CTNNA2: variants seen among roughly 807,000 people sequenced by gnomAD.
The protein encoded by CTNNA2 is catenin alpha 2.
Under a neutral mutation model 101.0 loss-of-function variants are expected in CTNNA2, and 42 were observed. The ratio of observed to expected loss-of-function variants is 0.42; its 90% CI spans 0.32 to 0.54. CTNNA2 has a LOEUF of 0.54. Ranked by LOEUF, CTNNA2 falls within the 20% of genes least tolerant of loss-of-function variation. The pLI is 0.14. For synonymous variants in CTNNA2, 450 were observed against 456.4 expected (o/e 0.99, Z 0.18); for missense variants, 871 against 1,223.1 (o/e 0.71, Z 4.29).
At chr2:80,557,942 A>G (rs938087918) in intron 12 of CTNNA2, among the ~76,000 whole-genome samples, 1 of 152,062 alleles carries the variant, frequency 6.6e-6, no homozygotes, top group African/African-American at 2.4e-5. Flanking sequence ...TACAATTTTT[A>G]TCCTGGCTTG....
chr2:80,208,327 A>G (rs115376945), intron 7 of CTNNA2, among the ~76,000 whole-genome samples: 1 of 152,230 alleles, frequency 6.6e-6, no homozygotes, highest in Non-Finnish European at 1.5e-5. Context: ...TGTTAAATAT[A>G]GATGGATAAA....
intron 7 of CTNNA2, among the ~76,000 whole-genome samples, chr2:80,307,060 A>T: frequency 6.7e-6 from 1 of 148,304 alleles, no homozygotes; most frequent in Non-Finnish European, 1.5e-5. Flanking sequence ...TATATATATT[A>T]TATATAAATA....
intron 3 of CTNNA2, among the ~76,000 whole-genome samples, chr2:79,352,847 T>G (rs955611197): frequency 2.0e-5 from 3 of 152,232 alleles, no homozygotes; most frequent in African/African-American, 7.2e-5. Flanking sequence ...CTCATGGTTC[T>G]GTGAGCTATG....
At chr2:79,916,341 G>A (rs567037652) in intron 7 of CTNNA2, among the ~76,000 whole-genome samples, 2 of 152,152 alleles carry the variant, frequency 1.3e-5, no homozygotes, top group South Asian at 4.2e-4. Context: ...ATTGGTGCCT[G>A]TGGTGAGGTT....
chr2:80,609,197 C>T (rs776577197), intron 17 of CTNNA2, among the ~76,000 whole-genome samples: 2 of 151,734 alleles, frequency 1.3e-5, no homozygotes, highest in African/African-American at 2.4e-5. Context: ...ATATTATCAG[C>T]GTGGTGAATA....
chr2:80,244,822 C>G (rs189445479), intron 7 of CTNNA2, among the ~76,000 whole-genome samples: 1 of 152,226 alleles, frequency 6.6e-6, no homozygotes, highest in Admixed American at 6.5e-5. Flanking sequence ...GCATGGTGCT[C>G]AGAGAGAAAT....
chr2:80,376,264 T>C (rs1675941030), intron 7 of CTNNA2, among the ~76,000 whole-genome samples: 1 of 152,178 alleles, frequency 6.6e-6, no homozygotes, highest in Non-Finnish European at 1.5e-5. Flanking sequence ...AGTTTTCTTC[T>C]CCCACCCTTC....
intron 7 of CTNNA2, among the ~76,000 whole-genome samples, chr2:80,365,734 A>G (rs1674866788): frequency 6.6e-6 from 1 of 152,162 alleles, no homozygotes; most frequent in South Asian, 2.1e-4. Flanking sequence ...TACACTTACC[A>G]TTGTCATCTG....
chr2:80,461,670 G>C (rs1684438921), intron 9 of CTNNA2, among the ~76,000 whole-genome samples: 1 of 151,756 alleles, frequency 6.6e-6, no homozygotes, highest in South Asian at 2.1e-4. Context: ...ATCTTGCTAG[G>C]ATCCGAAACT....
At chr2:79,890,467 T>C (rs1175418304) in intron 6 of CTNNA2, among the ~76,000 whole-genome samples, 1 of 152,108 alleles carries the variant, frequency 6.6e-6, no homozygotes, top group Non-Finnish European at 1.5e-5. Flanking sequence ...CCAGGTTTAG[T>C]ACTTTCCTCA....
intron 7 of CTNNA2, among the ~76,000 whole-genome samples, chr2:80,036,676 A>G (rs1292162561): frequency 1.3e-5 from 2 of 152,150 alleles, no homozygotes; most frequent in East Asian, 1.9e-4. Flanking sequence ...CTGGGAGACT[A>G]TGTTGACAGC....
At chr2:80,276,573 G>A (rs760370964) in intron 7 of CTNNA2, among the ~76,000 whole-genome samples, 8 of 152,094 alleles carry the variant, frequency 5.3e-5, no homozygotes, top group Non-Finnish European at 1.0e-4. Flanking sequence ...AGGCTTCAAT[G>A]TACTTTCACT....
At chr2:79,377,270 A>G (rs953167149) in intron 4 of CTNNA2, among the ~76,000 whole-genome samples, 4 of 152,158 alleles carry the variant, frequency 2.6e-5, no homozygotes, top group Admixed American at 6.6e-5. Flanking sequence ...ACAAGGATAT[A>G]ACCCCATCCC....
At position 79,344,213 on chromosome 2, in the gene CTNNA2, T is replaced by G. The variant is rs543371594; in HGVS notation, c.-317-29618T>G. Among the ~76,000 whole-genome samples, 6 of 152,330 alleles carry G rather than the reference T, an allele frequency of 3.9e-5. No homozygotes were observed. The East Asian group carries it at 1.2e-3, about 29-fold the overall frequency. ...TTGTGTAGCCACCTCCCAGACGTCC[T>G]GCACTGATTACCTGCAGTGGGTGGC... On this transcript the variant is annotated intron_variant, in intron 3 of 21. Transcript: ENST00000466387.
chr2:79,829,722 T>G (rs1678769136), intron 3 of CTNNA2, among the ~76,000 whole-genome samples: 2 of 145,700 alleles, frequency 1.4e-5, no homozygotes, highest in South Asian at 4.2e-4. Context: ...ATTTATTTAT[T>G]TATTTATTTA....
At chr2:79,792,035 T>C (rs1388090141) in intron 3 of CTNNA2, among the ~76,000 whole-genome samples, 1 of 152,224 alleles carries the variant, frequency 6.6e-6, no homozygotes, top group Non-Finnish European at 1.5e-5. Context: ...ACAATGCAGT[T>C]GTGGATGCAA....
At chr2:79,875,421 A>G (rs990987485) in intron 6 of CTNNA2, among the ~76,000 whole-genome samples, 1 of 152,242 alleles carries the variant, frequency 6.6e-6, no homozygotes, top group Admixed American at 6.5e-5. Context: ...CATTTAATTG[A>G]TAAAACACAA....
intron 7 of CTNNA2, among the ~76,000 whole-genome samples, chr2:79,970,088 T>C (rs562623669): frequency 6.6e-6 from 1 of 152,274 alleles, no homozygotes; most frequent in South Asian, 2.1e-4. Context: ...CTAGTAGGGG[T>C]AAGCATTTAT....
chr2:80,202,569 C>G (rs997192013), intron 7 of CTNNA2, among the ~76,000 whole-genome samples: 1 of 152,100 alleles, frequency 6.6e-6, no homozygotes. Flanking sequence ...TCCCTTTCAT[C>G]TCTTTTACAC....
Sources: gnomAD v4.1 joint callset for allele counts (sites outside exome capture counted in the v4.1 genomes callset) on GRCh38, gnomAD v4.1.1 for gene constraint, MANE v1.5 for transcripts, NCBI Gene and HGNC (gene_info 2026-07-23, HGNC 2026-07-21) for gene names.